VTCN1: variants seen among roughly 807,000 people sequenced by gnomAD.
The protein encoded by VTCN1 is V-set domain-containing T-cell activation inhibitor 1.
VTCN1 carries 26 observed loss-of-function variants against 26.5 expected under a neutral mutation model. The observed-to-expected ratio is 0.98, with a 90% CI of 0.72 to 1.36. VTCN1 has a LOEUF of 1.36. Among genes scored for constraint, VTCN1 ranks in the 40% most tolerant of loss-of-function variants. VTCN1 has a pLI of 0.00. For missense variants in VTCN1, 298 were observed against 337.7 expected (o/e 0.88, Z 0.92); for synonymous variants, 116 against 130.7 (o/e 0.89, Z 0.77).
chr1:117,210,801 A>G (rs1649311223), intron 1 of VTCN1, 23 bp downstream of exon 1: 4 of 1,613,354 alleles, frequency 2.5e-6, no homozygotes, highest in East Asian at 2.2e-5. Context: ...ACCCATAAGG[A>G]TAGAGAGAAG....
At chr1:117,157,082 C>A in intron 2 of VTCN1, 161 bp from the exon 3 acceptor site, 1 of 1,060,912 alleles carries the variant, frequency 9.4e-7, no homozygotes, top group Non-Finnish European at 1.3e-6. Context: ...AGCAGGAAGA[C>A]AATCATTTTG....
chr1:117,186,437 TG>T (rs1647950083), intron 1 of VTCN1, among the ~76,000 whole-genome samples: 1 of 152,210 alleles, frequency 6.6e-6, no homozygotes, highest in Non-Finnish European at 1.5e-5. Flanking sequence ...GGCCCTTAAC[TG>T]GTTACAGCTT....
chr1:117,209,066 T>A (rs1424402518), intron 1 of VTCN1, among the ~76,000 whole-genome samples: 1 of 152,196 alleles, frequency 6.6e-6, no homozygotes, highest in Non-Finnish European at 1.5e-5. Flanking sequence ...ATTGGCCCTC[T>A]TCCTGGAGGT....
rs1340106902 is a variant in VTCN1 at position 117,156,819 on chromosome 1, A to G, written c.200T>C (p.Ile67Thr). Reference sequence around the variant, plus strand: ...ACCTTCCTTCAGCCATTGTATCACGATATCAGAAAGTTTGATGTCAGGTTC... The same window carrying G: ...ACCTTCCTTCAGCCATTGTATCACGGTATCAGAAAGTTTGATGTCAGGTTC... ...TFEPDIKLSD[I>T]VIQWLKEGVL... Residue 67 changes from isoleucine (I) to threonine (T), a missense_variant, in exon 3 of 6, where the codon ATC becomes ACC. Physicochemically the swap from Ile to Thr is moderately conservative, Grantham distance 89. Transcript: ENST00000369458. The G allele has an allele frequency of 1.2e-6, 2 of 1,614,008 alleles. No homozygotes were observed. Among genetic ancestry groups the G allele is most frequent in the African/African-American group, 1.3e-5 (1 of 74,888 alleles).
chr1:117,204,113 G>A (rs564240054), intron 1 of VTCN1, among the ~76,000 whole-genome samples: 1 of 152,280 alleles, frequency 6.6e-6, no homozygotes, highest in Admixed American at 6.5e-5. Context: ...AGCTGCTATT[G>A]TTGGACTTGT....
chr1:117,151,574 C>A (rs1357551115), intron 4 of VTCN1, among the ~76,000 whole-genome samples: 1 of 152,128 alleles, frequency 6.6e-6, no homozygotes, highest in African/African-American at 2.4e-5. Context: ...GTCCATTTTA[C>A]AGAGTGCTGA....
intron 1 of VTCN1, among the ~76,000 whole-genome samples, chr1:117,184,010 C>G (rs752124087): frequency 2.6e-5 from 4 of 152,162 alleles, no homozygotes; most frequent in Non-Finnish European, 5.9e-5. Flanking sequence ...GCCATTCAAG[C>G]TGGGGACTCA....
At chr1:117,168,616 A>C (rs1652735308) in intron 2 of VTCN1, among the ~76,000 whole-genome samples, 1 of 152,226 alleles carries the variant, frequency 6.6e-6, no homozygotes, top group Non-Finnish European at 1.5e-5. Context: ...GTAAAAAAGC[A>C]AAGTGTAGAG....
At chr1:117,174,138 T>C (rs1307025112) in intron 1 of VTCN1, among the ~76,000 whole-genome samples, 1 of 152,226 alleles carries the variant, frequency 6.6e-6, no homozygotes, top group Non-Finnish European at 1.5e-5. Context: ...TGATCTTTGC[T>C]TTCCCCTCAA....
At chr1:117,165,627 G>A (rs982922114) in intron 2 of VTCN1, among the ~76,000 whole-genome samples, 3 of 152,034 alleles carry the variant, frequency 2.0e-5, no homozygotes, top group Non-Finnish European at 4.4e-5. Context: ...TCCCCTCGCC[G>A]TCCATCATGA....
intron 2 of VTCN1, among the ~76,000 whole-genome samples, chr1:117,158,190 T>C (rs1570945001): frequency 6.6e-6 from 1 of 152,286 alleles, no homozygotes; most frequent in South Asian, 2.1e-4. Flanking sequence ...TTCTCACAGC[T>C]CCACTAAGTG....
At chr1:117,170,273 T>A (rs774935477) in intron 1 of VTCN1, 102 bp from the exon 2 acceptor site, 6 of 1,128,810 alleles carry the variant, frequency 5.3e-6, no homozygotes, top group Non-Finnish European at 8.0e-6. Context: ...ATGAGTTACA[T>A]AAAGCATCTC....
rs1378202447 is a variant in VTCN1 at position 117,210,675 on chromosome 1, T to C, written c.32+149A>G. 4 of 814,008 alleles carry C rather than the reference T, an allele frequency of 4.9e-6. 1 individual carries two copies. The allele number at this position is 814,008 out of a possible 1,614,324, so 50.4% of individuals were successfully genotyped here. On this transcript the variant is annotated intron_variant, in intron 1 of 5. Coordinates refer to ENST00000369458, the MANE Select transcript of VTCN1 (RefSeq NM_024626.4). ...GTTAAGTCAAATCCAGTTAGGCTCTTGTCTGGCCAGGCTCCCGCTGGCCCA... is the reference window on the plus strand; with the variant it reads ...GTTAAGTCAAATCCAGTTAGGCTCTCGTCTGGCCAGGCTCCCGCTGGCCCA...
intron 1 of VTCN1, among the ~76,000 whole-genome samples, chr1:117,197,802 C>A (rs966240481): frequency 3.3e-5 from 5 of 151,930 alleles, no homozygotes; most frequent in African/African-American, 9.7e-5. Context: ...ATATTTATAC[C>A]CTCCACTGGT....
intron 2 of VTCN1, among the ~76,000 whole-genome samples, chr1:117,158,627 C>T (rs1353462009): frequency 6.6e-6 from 1 of 152,194 alleles, no homozygotes; most frequent in African/African-American, 2.4e-5. Context: ...ACATTTTCCC[C>T]ATTGTCTTAG....
At chr1:117,173,959 T>G (rs1653064669) in intron 1 of VTCN1, among the ~76,000 whole-genome samples, 1 of 152,220 alleles carries the variant, frequency 6.6e-6, no homozygotes, top group Non-Finnish European at 1.5e-5. Flanking sequence ...GGAATCACCG[T>G]GAGGTTTGTT....
intron 4 of VTCN1, among the ~76,000 whole-genome samples, chr1:117,151,486 T>G (rs1414232188): frequency 2.0e-5 from 3 of 152,188 alleles, no homozygotes; most frequent in Non-Finnish European, 4.4e-5. Flanking sequence ...TGCTGCTGGC[T>G]CCAGTGGCCA....
Position 117,147,752 on chromosome 1 carries a change from T to A in VTCN1, c.755A>T (p.Gln252Leu). ...ESEIKRRSHLQLLNSKASLCV... is the reference protein window; with the variant it reads ...ESEIKRRSHLLLLNSKASLCV... ...CAGAGAAGCCTTTGAGTTTAGCAGC[T>A]GTAGGTGACTCCGCCTTTTGATCTC... Residue 252 changes from glutamine (Q) to leucine (L), a missense_variant, in exon 5 of 6, where the codon CAG (glutamine) becomes CTG (leucine). Physicochemically the swap from Gln to Leu is moderately radical, Grantham distance 113. Coordinates refer to ENST00000369458, the MANE Select transcript of VTCN1 (RefSeq NM_024626.4). The surrounding 1 kb of genome is among the most constrained non-coding windows in gnomAD (Gnocchi z 4.6). 6.2e-7 allele frequency: 1 copy of A among 1,613,942 alleles called. No homozygotes were observed. The highest frequency in any genetic ancestry group is 1.1e-5 in the South Asian group (1 of 91,050).
chr1:117,171,826 C>CAG lies in VTCN1; in HGVS notation c.33-1657_33-1656dup, dbSNP rs577846356. On this transcript the variant is annotated intron_variant, in intron 1 of 5. Transcript: ENST00000369458. ...GTCACACAGTTGGCAAGTGGCAGAGCAGAGATTAGAATTTGTCTCTTAAAT... is the reference window on the plus strand; with the variant it reads ...GTCACACAGTTGGCAAGTGGCAGAGCAGAGAGATTAGAATTTGTCTCTTAAAT... Among the ~76,000 whole-genome samples the CAG allele has an allele frequency of 9.2e-4, 140 of 152,272 alleles. No individual in the cohort carries two copies. In the Middle Eastern group the frequency reaches 0.01, roughly 11 times the overall value.
Sources: gnomAD v4.1 joint callset for allele counts (sites outside exome capture counted in the v4.1 genomes callset) on GRCh38, gnomAD v4.1.1 for gene constraint, Gnocchi (gnomAD v3.1) non-coding constraint, MANE v1.5 for transcripts, NCBI Gene and HGNC (gene_info 2026-07-23, HGNC 2026-07-21) for gene names.